Variants in GP6 observed in about 807,000 individuals in gnomAD.
The protein encoded by GP6 is glycoprotein VI platelet.
In GP6, 45 loss-of-function variants were observed where a neutral mutation model predicts 37.3. The ratio of observed to expected loss-of-function variants is 1.21; its 90% CI spans 0.95 to 1.55. The LOEUF is 1.55. Among genes scored for constraint, GP6 ranks in the 40% most tolerant of loss-of-function variants. The pLI is 0.00. For synonymous variants in GP6, 340 were observed against 316.4 expected (o/e 1.07, Z -0.79); for missense variants, 813 against 760.2 (o/e 1.07, Z -0.82).
chr19:55,030,458 C>T (rs954644212), intron 3 of GP6, among the ~76,000 whole-genome samples: 3 of 152,116 alleles, frequency 2.0e-5, no homozygotes, highest in African/African-American at 7.2e-5. Flanking sequence ...CCTGCCTCAG[C>T]CTCCGGAGTA....
rs777273145 is a variant in GP6 at position 55,025,237 on chromosome 19, TTCTGTTGGTAACCGGCTGG to T, written c.626_644del (p.Pro209HisfsTer6). 19 of 1,547,722 alleles carry T rather than the reference TTCTGTTGGTAACCGGCTGG, an allele frequency of 1.2e-5. No individual in the cohort carries two copies. The highest frequency in any genetic ancestry group is 1.4e-5 in the African/African-American group (1 of 73,042). On this transcript the variant is annotated frameshift_variant, in exon 5 of 8. Transcript: ENST00000310373. LOFTEE classifies it high-confidence loss of function. ...ACCTACCTGCTACCGGGGAAGGTGG[TTCTGTTGGTAACCGGCTGG>T]GGGTCACAGAGGTTCCTGGGAAATC...
At chr19:55,033,414 C>T (rs1476322520) in intron 1 of GP6, among the ~76,000 whole-genome samples, 40 of 141,012 alleles carry the variant, frequency 2.8e-4, no homozygotes, top group African/African-American at 1.0e-3. Flanking sequence ...ACGGTGGGCT[C>T]GTTCGTGTTA....
Position 55,014,466 on chromosome 19 carries a change from G to A in GP6, c.1479C>T (p.His493=), listed in dbSNP as rs2073772095. 3.7e-6 allele frequency: 6 copies of A among 1,613,846 alleles called. No homozygotes were observed. In the East Asian group the frequency reaches 1.3e-4, roughly 36 times the overall value. The change falls in exon 8 of 8, where the codon CAC becomes CAT. Residue 493 remains histidine, a synonymous_variant. Coordinates refer to ENST00000310373, the MANE Select transcript of GP6 (RefSeq NM_001083899.2). ...TTGTTAGACCGCAGTGGGAGATGGA[G>A]TGAGGGTGAGAGTTTCTGGGGAAAA...
chr19:55,036,015 G>T (rs1156647483), intron 1 of GP6, among the ~76,000 whole-genome samples: 2 of 150,588 alleles, frequency 1.3e-5, no homozygotes, highest in African/African-American at 4.9e-5. Flanking sequence ...GGAGTTTGCA[G>T]TAAGCCGAGA....
chr19:55,014,044 A>G lies in GP6; in HGVS notation c.*38T>C. 1.7e-6 allele frequency: 1 copy of G among 583,252 alleles called. No homozygotes were observed. The highest frequency in any genetic ancestry group is 3.2e-6 in the Non-Finnish European group (1 of 309,106). 36.1% of individuals were successfully genotyped at this position (583,252 alleles called of 1,614,324 possible). ...AGAATTGTACATATTTATGGGGTGG[A>G]CAGCAATATTGCAGTACATGTATAC... On this transcript the variant is annotated 3_prime_UTR_variant, in exon 8 of 8. Transcript: ENST00000310373.
chr19:55,030,228 T>C (rs948910724), intron 3 of GP6, among the ~76,000 whole-genome samples: 1 of 152,230 alleles, frequency 6.6e-6, no homozygotes, highest in Non-Finnish European at 1.5e-5. Flanking sequence ...GGTGCACCTA[T>C]AGTCCCAGCT....
Position 55,035,307 on chromosome 19 carries a change from AGAG to A in GP6, c.35-2772_35-2770del, listed in dbSNP as rs574483948. 1.7e-3 allele frequency among the ~76,000 whole-genome samples: 262 copies of A among 152,288 alleles called. 1 individual carries two copies. The highest frequency in any genetic ancestry group is 2.6e-3 in the Non-Finnish European group (177 of 68,014). On this transcript the variant is annotated intron_variant, in intron 1 of 7. Coordinates refer to ENST00000310373, the MANE Select transcript of GP6 (RefSeq NM_001083899.2). ...GGTAAGGTTTGGGGAGATGTTGGTC[AGAG>A]GAGGACAGTTTCAGTTGGACAAGAG... is the stretch of plus-strand genomic sequence containing the variant.
chr19:55,032,075 C>A (rs1013983952), intron 3 of GP6, 64 bp downstream of exon 3: 2 of 1,543,420 alleles, frequency 1.3e-6, no homozygotes, highest in East Asian at 2.3e-5. Context: ...CCCTCAATGT[C>A]CCCCGTATTT....
intron 1 of GP6, chr19:55,032,830 C>A: frequency 1.8e-6 from 1 of 569,440 alleles, no homozygotes; most frequent in Non-Finnish European, 3.1e-6. Context: ...TGGTGGCGTA[C>A]TGCTCTCTGT....
rs145264528 is a variant in GP6, at chr19:55,032,603, C to T, written c.35-65G>A. On this transcript the variant is annotated intron_variant, in intron 1 of 7. Transcript: ENST00000310373. The stretch of plus-strand genomic sequence containing the variant: ...TTTATGGACATTCCTGCCTGCTGGG[C>T]GCGGTGATAAGACATTTGCATGCAT... The T allele has an allele frequency of 1.1e-3, 1,710 of 1,549,050 alleles. 30 individuals are homozygous for T. The East Asian group carries it at 0.034, about 31-fold the overall frequency.
chr19:55,017,742 C>T (rs1042411338), intron 6 of GP6, among the ~76,000 whole-genome samples: 1 of 152,018 alleles, frequency 6.6e-6, no homozygotes, highest in African/African-American at 2.4e-5. Flanking sequence ...TTGGGAGGTT[C>T]CGAACTGAAG....
chr19:55,030,664 ATAAAT>A (rs2074527776), intron 3 of GP6, among the ~76,000 whole-genome samples: 1 of 148,486 alleles, frequency 6.7e-6, no homozygotes, highest in Non-Finnish European at 1.5e-5. Context: ...CTTAAAAAAA[ATAAAT>A]AAATAAGAAA....
intron 1 of GP6, among the ~76,000 whole-genome samples, chr19:55,034,150 A>ATG (rs61435060): frequency 0.1 from 15,379 of 149,120 alleles, 776 homozygotes; most frequent in East Asian, 0.2. Flanking sequence ...ATATGTATGC[A>ATG]TGTGTGTGTG....
chr19:55,024,280 ACACACACATATGCACGCATG>A (rs2074192588), intron 5 of GP6, among the ~76,000 whole-genome samples: 1 of 30,318 alleles, frequency 3.3e-5, no homozygotes, highest in African/African-American at 7.2e-5. Context: ...ACGCATGCAC[ACACACACATATGCACGCATG>A]CACACACATA....
At chr19:55,037,624 T>G (rs1249588879) in intron 1 of GP6, among the ~76,000 whole-genome samples, 1 of 29,798 alleles carries the variant, frequency 3.4e-5, no homozygotes, top group African/African-American at 1.1e-4. Flanking sequence ...GCACTCAGCC[T>G]TTTTTTTTTT....
rs1458387023 is a variant in GP6 at position 55,015,009 on chromosome 19, G to A, written c.936C>T (p.Ala312=). ...CCGGGTCAGCGGGAGGGGCGGGAGG[G>A]GCGGAAGCGGCCTCTGCACAGCCCT... The change falls in exon 8 of 8, where the codon GCC becomes GCT. Residue 312 remains alanine, a synonymous_variant. Coordinates refer to ENST00000310373, the MANE Select transcript of GP6 (RefSeq NM_001083899.2). The A allele has an allele frequency of 9.3e-6, 15 of 1,612,216 alleles. No individual in the cohort carries two copies. The African/African-American group carries it at 1.7e-4, about 19-fold the overall frequency.
intron 6 of GP6, among the ~76,000 whole-genome samples, chr19:55,017,025 T>A (rs1671188): frequency 1.3e-5 from 2 of 151,702 alleles, no homozygotes; most frequent in South Asian, 2.1e-4. Context: ...AGAGTGAGAC[T>A]CCGTCTCAAA....
chr19:55,019,735 T>C (rs2074008673), intron 5 of GP6, among the ~76,000 whole-genome samples: 1 of 147,662 alleles, frequency 6.8e-6, no homozygotes, highest in African/African-American at 2.5e-5. Flanking sequence ...TGGAGTGCAG[T>C]GGTGCAATCT....
chr19:55,029,684 C>A (rs2074487385), intron 3 of GP6, among the ~76,000 whole-genome samples: 1 of 148,774 alleles, frequency 6.7e-6, no homozygotes, highest in African/African-American at 2.5e-5. Flanking sequence ...GCCACCGTGC[C>A]CGACCAGGAA....
Sources: allele counts gnomAD v4.1 joint callset (sites outside exome capture counted in the v4.1 genomes callset), GRCh38; gene constraint gnomAD v4.1.1; transcripts MANE v1.5; gene names NCBI Gene and HGNC (gene_info 2026-07-23, HGNC 2026-07-21).